Variants in ZFP90 observed in about 807,000 individuals in gnomAD.
The protein encoded by ZFP90 is zinc finger protein 90 homolog.
In ZFP90, 38 loss-of-function variants were observed where a neutral mutation model predicts 60.8. The ratio of observed to expected loss-of-function variants is 0.62; its 90% CI spans 0.48 to 0.82. The LOEUF (loss-of-function observed/expected upper bound fraction) is 0.82, where lower values mean the gene tolerates loss of function less well. Among genes scored for constraint, ZFP90 ranks in the 40% least tolerant of loss-of-function variants. The probability of loss-of-function intolerance (pLI) is 0.00; values close to 1 mark genes in which losing one functional copy is unlikely to be tolerated. For synonymous variants in ZFP90, 287 were observed against 264.8 expected, an observed-to-expected ratio of 1.08 and a Z score of -0.82; for missense variants, 711 against 759.1, an observed-to-expected ratio of 0.94 and a Z score of 0.74.
At chr16:68,549,535 T>C (rs1461442614) in intron 2 of ZFP90, among the ~76,000 whole-genome samples, 4 of 151,770 alleles carry the variant, frequency 2.6e-5, no homozygotes, top group Non-Finnish European at 5.9e-5. Flanking sequence ...AAAAATTAGC[T>C]GGGCGTGGTG....
rs2091465829 is a variant in ZFP90, at chr16:68,563,358, A to G, written c.571A>G (p.Asn191Asp). Reference sequence around the variant, plus strand: ...TAGTGAATGTGAGACCCTTGGAAGCAATTTGGGACATAATGCAGACTTACT... The same window carrying G: ...TAGTGAATGTGAGACCCTTGGAAGCGATTTGGGACATAATGCAGACTTACT... ...RPSECETLGS[N>D]LGHNADLLNE... The change falls in exon 5 of 5, where the codon AAT becomes GAT. Residue 191 changes from asparagine to aspartate, a missense_variant. By Grantham distance (23) the Asn-to-Asp change is conservative. Coordinates refer to ENST00000563169, the MANE Select transcript of ZFP90 (RefSeq NM_001305203.2). 6.2e-7 allele frequency: 1 copy of G among 1,614,202 alleles called. No homozygotes were observed. Among genetic ancestry groups the G allele is most frequent in the Non-Finnish European group, 8.5e-7 (1 of 1,180,026 alleles).
intron 2 of ZFP90, among the ~76,000 whole-genome samples, chr16:68,550,654 A>C (rs1366905667): frequency 6.6e-6 from 1 of 152,226 alleles, no homozygotes; most frequent in Admixed American, 6.5e-5. Flanking sequence ...TAGCATTTAA[A>C]ACCAGTTTGT....
intron 2 of ZFP90, among the ~76,000 whole-genome samples, chr16:68,555,543 T>C (rs957389793): frequency 2.6e-5 from 4 of 152,174 alleles, no homozygotes; most frequent in Non-Finnish European, 2.9e-5. Context: ...AACAGAGATA[T>C]AGTGTGAGTC....
At chr16:68,568,152 TGA>T (rs2091548366), downstream of ZFP90, among the ~76,000 whole-genome samples, 1 of 152,184 alleles carries the variant, frequency 6.6e-6, no homozygotes, top group Non-Finnish European at 1.5e-5. Flanking sequence ...CACTAGATGG[TGA>T]GTTCCAGGAA....
intron 4 of ZFP90, among the ~76,000 whole-genome samples, chr16:68,561,595 G>A (rs1022109933): frequency 1.3e-5 from 2 of 152,050 alleles, no homozygotes; most frequent in Non-Finnish European, 2.9e-5. Context: ...AGATTGTCTT[G>A]TTTCTCTTCA....
At chr16:68,551,012 C>T (rs978910822) in intron 2 of ZFP90, among the ~76,000 whole-genome samples, 7 of 152,172 alleles carry the variant, frequency 4.6e-5, no homozygotes, top group East Asian at 1.9e-4. Flanking sequence ...GTTAGTTACA[C>T]GGTCAACTAT....
chr16:68,539,931 T>C, intron 2 of ZFP90, 106 bp downstream of exon 2: 1 of 1,462,292 alleles, frequency 6.8e-7, no homozygotes, highest in Middle Eastern at 1.7e-4. Flanking sequence ...ACTCCCTTAC[T>C]TGCTTGGCTC....
rs1057221680 is a variant in ZFP90 at position 68,565,786 on chromosome 16, A to G, written c.*1088A>G. On this transcript the variant is annotated 3_prime_UTR_variant, in exon 5 of 5. Transcript: ENST00000563169. ...TTTGCCTTGTACTCAGAGAAGCAAC[A>G]TGCACTGGCTCATTTTATGTGCAAA... The G allele has an allele frequency of 5.1e-6, 5 of 985,402 alleles. No individual in the cohort carries two copies. The highest frequency in any genetic ancestry group is 4.8e-6 in the Non-Finnish European group (4 of 829,930). 61.0% of individuals were successfully genotyped at this position (985,402 alleles called of 1,614,324 possible).
upstream of ZFP90, among the ~76,000 whole-genome samples, chr16:68,535,948 G>A (rs1044694002): frequency 6.6e-6 from 1 of 152,134 alleles, no homozygotes; most frequent in South Asian, 2.1e-4. Flanking sequence ...TGGAACACCC[G>A]GCTCTGCTTC....
chr16:68,540,005 C>T (rs957184546), intron 2 of ZFP90, among the ~76,000 whole-genome samples, 180 bp downstream of exon 2: 14 of 152,204 alleles, frequency 9.2e-5, no homozygotes, highest in African/African-American at 2.4e-4. Flanking sequence ...AAAGGGGAGG[C>T]TGCTCTGTGG....
chr16:68,556,529 GATTC>G (rs1051784353), intron 2 of ZFP90, among the ~76,000 whole-genome samples: 2 of 152,220 alleles, frequency 1.3e-5, no homozygotes. Flanking sequence ...CTGGTTCATT[GATTC>G]ATTCAGCAAG....
rs1159746101 is a variant in ZFP90 at position 68,539,463 on chromosome 16, A to G, written c.-52A>G. 2 of 392,986 alleles carry G rather than the reference A, an allele frequency of 5.1e-6. No homozygotes were observed. The highest frequency in any genetic ancestry group is 4.2e-5 in the African/African-American group (2 of 47,988). The allele number at this position is 392,986 out of a possible 1,614,324, so 24.3% of individuals were successfully genotyped here. ...GAGGTCGCGAAATCCGGAGCCCCCC[A>G]GAGGCGGTGATTCTGAGTGCGCGGG... On this transcript the variant is annotated 5_prime_UTR_variant, in exon 1 of 5. Coordinates refer to ENST00000563169, the MANE Select transcript of ZFP90 (RefSeq NM_001305203.2).
At chr16:68,546,318 T>C (rs559497936) in intron 2 of ZFP90, among the ~76,000 whole-genome samples, 2 of 152,344 alleles carry the variant, frequency 1.3e-5, no homozygotes, top group East Asian at 3.9e-4. Context: ...TGGTATTAAA[T>C]ACATTCATAT....
chr16:68,535,332 T>C (rs917175002), upstream of ZFP90, among the ~76,000 whole-genome samples: 2 of 152,182 alleles, frequency 1.3e-5, no homozygotes, highest in African/African-American at 2.4e-5. Context: ...CCCCTACTCA[T>C]TGTCAAAGTT....
At chr16:68,546,636 C>G (rs1667592269) in intron 2 of ZFP90, among the ~76,000 whole-genome samples, 1 of 152,198 alleles carries the variant, frequency 6.6e-6, no homozygotes. Context: ...TCTCAGCCTC[C>G]TGAGAACTGG....
downstream of ZFP90, chr16:68,567,283 C>A: frequency 1.8e-6 from 1 of 541,932 alleles, no homozygotes; most frequent in Non-Finnish European, 2.4e-6. Context: ...AGACATTGTG[C>A]TAGGTGTTTC....
At position 68,561,187 on chromosome 16, in the gene ZFP90, G is replaced by A. The variant is rs144794011; in HGVS notation, c.257-1857G>A. 2.8e-3 allele frequency among the ~76,000 whole-genome samples: 419 copies of A among 152,284 alleles called. 2 individuals are homozygous for A. Among genetic ancestry groups the A allele is most frequent in the African/African-American group, 9.7e-3 (402 of 41,570 alleles). ...TGGGATTACAGGCATGAGCCACTGC[G>A]CCCAGCCTAATGCTTTATCTTCTTA... On this transcript the variant is annotated intron_variant, in intron 4 of 4. Coordinates refer to ENST00000563169, the MANE Select transcript of ZFP90 (RefSeq NM_001305203.2).
At chr16:68,538,244 G>C (rs574734604), upstream of ZFP90, among the ~76,000 whole-genome samples, 4 of 151,842 alleles carry the variant, frequency 2.6e-5, no homozygotes, top group East Asian at 7.8e-4. Flanking sequence ...TCATATTTTT[G>C]ATAAAGCAGT....
At chr16:68,551,920 G>T (rs955380009) in intron 2 of ZFP90, among the ~76,000 whole-genome samples, 3 of 151,644 alleles carry the variant, frequency 2.0e-5, no homozygotes, top group African/African-American at 7.3e-5. Context: ...CACCGTGCCC[G>T]GTTAATTTTT....
Sources: allele counts gnomAD v4.1 joint callset (sites outside exome capture counted in the v4.1 genomes callset), GRCh38; gene constraint gnomAD v4.1.1; transcripts MANE v1.5; gene names NCBI Gene and HGNC (gene_info 2026-07-23, HGNC 2026-07-21).